The following LMNTD1 variants were observed in gnomAD, a reference collection of about 807,000 sequenced individuals.
LMNTD1 encodes the protein lamin tail domain-containing protein 1.
Under a neutral mutation model 50.9 loss-of-function variants are expected in LMNTD1, and 35 were observed. That is an observed-to-expected ratio of 0.69 (90% CI 0.53 to 0.91). The LOEUF (loss-of-function observed/expected upper bound fraction) is 0.91. Among genes scored for constraint, LMNTD1 ranks in the 40% least tolerant of loss-of-function variants. The probability of loss-of-function intolerance (pLI) is 0.00; values close to 1 mark genes in which losing one functional copy is unlikely to be tolerated. For synonymous variants in LMNTD1, 153 were observed against 161.9 expected, an observed-to-expected ratio of 0.94 and a Z score of 0.42; for missense variants, 470 against 475.5, an observed-to-expected ratio of 0.99 and a Z score of 0.11.
At chr12:25,619,252 C>CTCTCTATATATATATATA (rs1374134268) in intron 1 of LMNTD1, among the ~76,000 whole-genome samples, 7 of 84,434 alleles carry the variant, frequency 8.3e-5, no homozygotes, top group Admixed American at 3.4e-4. Flanking sequence ...CTCTCTCTCT[C>CTCTCTATATATATATATA]TATATATATA....
chr12:25,559,248 G>T (rs898796340), intron 1 of LMNTD1, among the ~76,000 whole-genome samples: 2 of 151,900 alleles, frequency 1.3e-5, no homozygotes, highest in African/African-American at 4.8e-5. Context: ...CCCTGTGTCC[G>T]AGTGTTCTCA....
intron 9 of LMNTD1, among the ~76,000 whole-genome samples, chr12:25,481,703 G>C (rs929076998): frequency 1.3e-5 from 2 of 151,296 alleles, no homozygotes; most frequent in African/African-American, 4.9e-5. Context: ...ATAGACAACA[G>C]GCTAAATCCC....
At chr12:25,509,423 T>C (rs935234884) in intron 8 of LMNTD1, among the ~76,000 whole-genome samples, 1 of 152,258 alleles carries the variant, frequency 6.6e-6, no homozygotes, top group Non-Finnish European at 1.5e-5. Flanking sequence ...TCTTCTACTA[T>C]TCTTTTAGTT....
chr12:25,531,733 C>T (rs1478638733), intron 4 of LMNTD1, among the ~76,000 whole-genome samples: 1 of 152,128 alleles, frequency 6.6e-6, no homozygotes, highest in African/African-American at 2.4e-5. Context: ...TACCATTCTA[C>T]CTCAATCTTT....
intron 1 of LMNTD1, among the ~76,000 whole-genome samples, chr12:25,591,791 C>T (rs1945702891): frequency 1.4e-5 from 2 of 138,904 alleles, no homozygotes; most frequent in South Asian, 4.7e-4. Context: ...ACACAACCTC[C>T]AGCTCCTAAT....
intron 9 of LMNTD1, chr12:25,497,423 T>A (rs1939124671): frequency 6.6e-6 from 1 of 152,200 alleles, no homozygotes; most frequent in African/African-American, 2.4e-5. Context: ...CCTTTAACCA[T>A]CTGCGAGCCT....
At chr12:25,638,713 A>G (rs1946887718) in intron 1 of LMNTD1, among the ~76,000 whole-genome samples, 1 of 152,120 alleles carries the variant, frequency 6.6e-6, no homozygotes, top group African/African-American at 2.4e-5. Flanking sequence ...TTGCATGTTG[A>G]TAGATAAGAA....
chr12:25,543,230 A>G (rs150849641), intron 4 of LMNTD1, among the ~76,000 whole-genome samples: 1 of 152,186 alleles, frequency 6.6e-6, no homozygotes, highest in African/African-American at 2.4e-5. Flanking sequence ...TCTCTTCTAG[A>G]AAAGGATAAA....
chr12:25,535,854 A>G (rs965220945), intron 4 of LMNTD1, among the ~76,000 whole-genome samples: 3 of 152,154 alleles, frequency 2.0e-5, no homozygotes, highest in African/African-American at 7.2e-5. Flanking sequence ...ATATAAAGAC[A>G]CAAATAGTTA....
At chr12:25,506,787 C>T (rs570457934) in intron 8 of LMNTD1, among the ~76,000 whole-genome samples, 4 of 151,466 alleles carry the variant, frequency 2.6e-5, no homozygotes, top group Non-Finnish European at 5.9e-5. Flanking sequence ...AAAATTTAAA[C>T]ATACAGAAAA....
chr12:25,623,941 G>A (rs1254709826), intron 1 of LMNTD1, among the ~76,000 whole-genome samples: 1 of 152,130 alleles, frequency 6.6e-6, no homozygotes, highest in Non-Finnish European at 1.5e-5. Context: ...CTTGATGGCA[G>A]AATTCAGCTT....
intron 9 of LMNTD1, among the ~76,000 whole-genome samples, chr12:25,478,862 T>C (rs1938353560): frequency 6.6e-6 from 1 of 150,880 alleles, no homozygotes; most frequent in Admixed American, 6.6e-5. Context: ...TCAGCAAACA[T>C]CTCAGCAGGT....
At chr12:25,644,809 A>T (rs984953930) in intron 1 of LMNTD1, among the ~76,000 whole-genome samples, 2 of 152,224 alleles carry the variant, frequency 1.3e-5, no homozygotes, top group Non-Finnish European at 2.9e-5. Context: ...CACCTCTGAT[A>T]GGAGCAGACA....
At chr12:25,512,364 G>A (rs766810720) in intron 8 of LMNTD1, among the ~76,000 whole-genome samples, 1 of 152,142 alleles carries the variant, frequency 6.6e-6, no homozygotes, top group Non-Finnish European at 1.5e-5. Context: ...AGCAAAGGAG[G>A]GGAATAGGAC....
chr12:25,542,381 C>T (rs1217136343), intron 4 of LMNTD1, among the ~76,000 whole-genome samples: 1 of 150,426 alleles, frequency 6.6e-6, no homozygotes, highest in Non-Finnish European at 1.5e-5. Flanking sequence ...CCATGGAATA[C>T]TATGCAGCCA....
intron 1 of LMNTD1, among the ~76,000 whole-genome samples, chr12:25,646,199 G>C (rs1016154964): frequency 6.6e-6 from 1 of 151,794 alleles, no homozygotes; most frequent in Non-Finnish European, 1.5e-5. Flanking sequence ...GGTGGAAGAC[G>C]TACCCCTTGC....
chr12:25,599,625 A>G (rs2136503501), intron 1 of LMNTD1, among the ~76,000 whole-genome samples: 1 of 152,210 alleles, frequency 6.6e-6, no homozygotes, highest in South Asian at 2.1e-4. Flanking sequence ...AAATTAATAT[A>G]CAAAAATCAG....
chr12:25,580,107 G>A (rs1945216391), intron 1 of LMNTD1, among the ~76,000 whole-genome samples: 1 of 152,042 alleles, frequency 6.6e-6, no homozygotes, highest in African/African-American at 2.4e-5. Context: ...TGCCACCCAG[G>A]CTTTGTTCAG....
At chr12:25,624,040 T>C (rs1946532387) in intron 1 of LMNTD1, among the ~76,000 whole-genome samples, 1 of 152,234 alleles carries the variant, frequency 6.6e-6, no homozygotes. Context: ...CTCCTGGGCC[T>C]GTGTGCCTCA....
Sources: gnomAD v4.1 joint callset for allele counts (sites outside exome capture counted in the v4.1 genomes callset) on GRCh38, gnomAD v4.1.1 for gene constraint, MANE v1.5 for transcripts, NCBI Gene and HGNC (gene_info 2026-07-23, HGNC 2026-07-21) for gene names.